The following VEPH1 variants were observed in gnomAD, a reference collection of about 807,000 sequenced individuals.
VEPH1 encodes the protein ventricular zone expressed PH domain containing 1.
A neutral mutation model predicts 85.2 loss-of-function variants in VEPH1; 80 were observed. The observed-to-expected ratio is 0.94, with a 90% CI of 0.78 to 1.13. The LOEUF is 1.13. VEPH1 is among the 50% of genes most tolerant of loss of function. The pLI, the probability that VEPH1 is intolerant of heterozygous loss-of-function variation, is 0.00. For synonymous variants in VEPH1, 297 were observed against 348.0 expected (o/e 0.85, Z 1.63); for missense variants, 955 against 980.5 (o/e 0.97, Z 0.35).
Position 157,381,317 on chromosome 3 carries a change from C to T in VEPH1, c.966G>A (p.Ser322=), listed in dbSNP as rs758689370. The change falls in exon 7 of 14, where the codon TCG becomes TCA. Residue 322 remains serine, a synonymous_variant. Transcript: ENST00000362010. The part of the protein sequence containing the change: ...LVSQLANMEH[S]FHHILLLEIK... ...TCTCCAGCAGGAGAATATGGTGAAA[C>T]GAATGCTCCATGTTGGCCAGTTGGC... The T allele has an allele frequency of 9.3e-6, 15 of 1,614,034 alleles. No individual in the cohort carries two copies. The highest frequency in any genetic ancestry group is 1.6e-4 in the Middle Eastern group (1 of 6,084).
intron 6 of VEPH1, among the ~76,000 whole-genome samples, chr3:157,398,867 C>G (rs1730617213): frequency 6.6e-6 from 1 of 152,000 alleles, no homozygotes; most frequent in Admixed American, 6.5e-5. Context: ...GGTCTGGGCC[C>G]CACTCAAAAC....
intron 9 of VEPH1, among the ~76,000 whole-genome samples, chr3:157,342,823 C>T (rs1023330745): frequency 1.3e-5 from 2 of 152,194 alleles, no homozygotes; most frequent in African/African-American, 4.8e-5. Context: ...TTATAACAAA[C>T]TGTCTCTCAG....
chr3:157,271,788 A>G (rs945828204), intron 12 of VEPH1, among the ~76,000 whole-genome samples: 5 of 152,220 alleles, frequency 3.3e-5, no homozygotes, highest in Non-Finnish European at 7.3e-5. Flanking sequence ...AGAAGCGATC[A>G]GGCACTGATT....
chr3:157,476,081 T>C (rs1376739218), intron 2 of VEPH1, among the ~76,000 whole-genome samples: 1 of 152,214 alleles, frequency 6.6e-6, no homozygotes, highest in African/African-American at 2.4e-5. Context: ...GCCTCTGTCA[T>C]CAGTCACTCC....
chr3:157,480,155 G>C (rs1737898039), intron 2 of VEPH1, among the ~76,000 whole-genome samples: 1 of 144,542 alleles, frequency 6.9e-6, no homozygotes, highest in Non-Finnish European at 1.5e-5. Flanking sequence ...TTTTTGGATG[G>C]ATAAAAGTGT....
rs779143424 is a variant in VEPH1 at position 157,381,271 on chromosome 3, A to G, written c.1012T>C (p.Phe338Leu). The change falls in exon 7 of 14, where the codon TTC becomes CTC. Residue 338 changes from phenylalanine (F) to leucine (L), a missense_variant. By Grantham distance (22) the Phe-to-Leu change is conservative. Transcript: ENST00000362010. ...CTCTGAGGGCCCAAGATTGAGGAGA[A>G]GGTGTCGGTGATGCTTTTAATCTCC... Reference protein sequence around the residue: ...LLEIKSITDTFSSILGPQSRD... With the variant: ...LLEIKSITDTLSSILGPQSRD... 7.4e-6 allele frequency: 12 copies of G among 1,612,550 alleles called. No homozygotes were observed. The South Asian group carries it at 1.3e-4, about 18-fold the overall frequency.
chr3:157,470,189 G>T, intron 3 of VEPH1, 125 bp downstream of exon 3: 1 of 841,138 alleles, frequency 1.2e-6, no homozygotes. Flanking sequence ...GCTATTGATG[G>T]CTTGTAGTGT....
chr3:157,280,454 T>C (rs1299337828), intron 12 of VEPH1, among the ~76,000 whole-genome samples: 1 of 152,138 alleles, frequency 6.6e-6, no homozygotes, highest in Non-Finnish European at 1.5e-5. Context: ...TGACCCAATA[T>C]GGAAAGGCAG....
At chr3:157,481,575 G>T (rs1288913814) in intron 2 of VEPH1, among the ~76,000 whole-genome samples, 2 of 151,410 alleles carry the variant, frequency 1.3e-5, no homozygotes, top group Non-Finnish European at 2.9e-5. Context: ...AAACAGCATG[G>T]TACTTCTACA....
rs182748680 is a variant in VEPH1, at chr3:157,474,917, C to T, written c.139-4388G>A. On this transcript the variant is annotated intron_variant, in intron 2 of 13. Transcript: ENST00000362010. ...GATTTGCTTTAATTTGAATTATTCA[C>T]ATGTGTTTTATAGTCAAGTAAATCA... Among the ~76,000 whole-genome samples, 402 of 151,616 alleles carry T rather than the reference C, an allele frequency of 2.7e-3. 1 individual carries two copies. The highest frequency in any genetic ancestry group is 8.6e-3 in the African/African-American group (356 of 41,380).
At chr3:157,337,357 A>C (rs1484463184) in intron 9 of VEPH1, among the ~76,000 whole-genome samples, 2 of 152,152 alleles carry the variant, frequency 1.3e-5, no homozygotes, top group African/African-American at 2.4e-5. Flanking sequence ...TATCCTGATA[A>C]AATTTTGTAG....
chr3:157,330,998 C>T (rs1722436896), intron 9 of VEPH1, among the ~76,000 whole-genome samples: 2 of 152,226 alleles, frequency 1.3e-5, no homozygotes, highest in South Asian at 4.1e-4. Flanking sequence ...GCTGCTAGTG[C>T]TCTCCTATCC....
chr3:157,411,033 T>C (rs1382826059), intron 6 of VEPH1, among the ~76,000 whole-genome samples: 2 of 152,198 alleles, frequency 1.3e-5, no homozygotes, highest in Non-Finnish European at 2.9e-5. Context: ...ATTTAGCTAA[T>C]GGATTGTAAA....
chr3:157,323,957 A>T (rs1577340896), intron 9 of VEPH1, among the ~76,000 whole-genome samples: 1 of 152,304 alleles, frequency 6.6e-6, no homozygotes, highest in East Asian at 1.9e-4. Flanking sequence ...ATACTTCTGT[A>T]TTATTTTAAT....
Position 157,363,350 on chromosome 3 carries a change from T to C in VEPH1, c.1735+14A>G, listed in dbSNP as rs1577448782. ...CCTGAAGTTTCTCAGGTTTGGGAAG[T>C]ACACAACACTTACCTTCAATGGTAC... On this transcript the variant is annotated intron_variant, in intron 9 of 13. Transcript: ENST00000362010. 1 of 1,564,084 alleles carries C rather than the reference T, an allele frequency of 6.4e-7. No homozygotes were observed. The highest frequency in any genetic ancestry group is 2.2e-5 in the East Asian group (1 of 44,534).
intron 4 of VEPH1, among the ~76,000 whole-genome samples, chr3:157,455,496 T>G (rs2109331946): frequency 6.6e-6 from 1 of 151,460 alleles, no homozygotes; most frequent in African/African-American, 2.4e-5. Context: ...GTCATGGGGG[T>G]TTGTTGAACA....
intron 3 of VEPH1, among the ~76,000 whole-genome samples, chr3:157,467,982 G>T (rs1181242360): frequency 6.6e-6 from 1 of 152,152 alleles, no homozygotes; most frequent in Non-Finnish European, 1.5e-5. Context: ...GAGACACAAT[G>T]CTTTACTCAG....
At chr3:157,263,000 G>C (rs1713119338) in intron 13 of VEPH1, among the ~76,000 whole-genome samples, 1 of 152,184 alleles carries the variant, frequency 6.6e-6, no homozygotes, top group South Asian at 2.1e-4. Flanking sequence ...GACAGGAATA[G>C]ATAGAAAGTC....
chr3:157,424,330 T>G (rs1732591373), intron 5 of VEPH1, among the ~76,000 whole-genome samples: 1 of 152,214 alleles, frequency 6.6e-6, no homozygotes, highest in Admixed American at 6.5e-5. Flanking sequence ...CTTCCCAGTC[T>G]TGGGTATGTC....
Sources: gnomAD v4.1 joint callset for allele counts (sites outside exome capture counted in the v4.1 genomes callset) on GRCh38, gnomAD v4.1.1 for gene constraint, MANE v1.5 for transcripts, NCBI Gene and HGNC (gene_info 2026-07-23, HGNC 2026-07-21) for gene names.